Variants in PPP1R12B observed in about 807,000 individuals in gnomAD.
The protein encoded by PPP1R12B is myosin phosphatase target subunit 2.
In PPP1R12B, 76 loss-of-function variants were observed where a neutral mutation model predicts 126.1. That is an observed-to-expected ratio of 0.60 (90% CI 0.50 to 0.73). The LOEUF (loss-of-function observed/expected upper bound fraction) is 0.73. PPP1R12B is among the 30% of genes least tolerant of loss of function. PPP1R12B has a pLI of 0.00. For synonymous variants in PPP1R12B, 356 were observed against 434.7 expected (o/e 0.82, Z 2.25); for missense variants, 1,052 against 1,205.1 (o/e 0.87, Z 1.88).
In PPP1R12B at chr1:202,369,859, G is replaced by A. The variant is rs184287425; in HGVS notation, c.291+20717G>A. On this transcript the variant is annotated intron_variant, in intron 1 of 23. Coordinates refer to ENST00000608999, the MANE Select transcript of PPP1R12B (RefSeq NM_002481.4). ...CATCCAGGCTGGAGTGCAGTGGCACGATCTTGGCTCACTGCAACCTCTGCC... is the reference window on the plus strand; with the variant it reads ...CATCCAGGCTGGAGTGCAGTGGCACAATCTTGGCTCACTGCAACCTCTGCC... 3.7e-3 allele frequency: 572 copies of A among 154,700 alleles called. 7 individuals are homozygous for A. In the Middle Eastern group the frequency reaches 0.048, roughly 13 times the overall value. 9.6% of individuals were successfully genotyped at this position (154,700 alleles called of 1,614,324 possible).
At chr1:202,561,668 A>G (rs1572513561) in intron 19 of PPP1R12B, among the ~76,000 whole-genome samples, 2 of 152,212 alleles carry the variant, frequency 1.3e-5, no homozygotes, top group South Asian at 4.1e-4. Context: ...TATTGCTTTT[A>G]TAATCAGGAA....
At chr1:202,568,417 A>C (rs1389259557) in intron 22 of PPP1R12B, among the ~76,000 whole-genome samples, 1 of 152,226 alleles carries the variant, frequency 6.6e-6, no homozygotes, top group Non-Finnish European at 1.5e-5. Context: ...AAATTCAATT[A>C]GATTTATTGA....
chr1:202,427,873 A>G (rs1669745099), intron 5 of PPP1R12B, among the ~76,000 whole-genome samples: 1 of 151,664 alleles, frequency 6.6e-6, no homozygotes, highest in Non-Finnish European at 1.5e-5. Flanking sequence ...GATTGTCTCG[A>G]TCTCCTGACC....
intron 1 of PPP1R12B, among the ~76,000 whole-genome samples, chr1:202,362,233 T>C (rs1266240940): frequency 3.3e-5 from 5 of 152,156 alleles, no homozygotes; most frequent in African/African-American, 1.2e-4. Flanking sequence ...GTTTTGTAAT[T>C]ATTCCTCTTG....
chr1:202,438,218 AGAAAAT>A, intron 10 of PPP1R12B, 194 bp downstream of exon 10: 1 of 1,568,320 alleles, frequency 6.4e-7, no homozygotes, highest in Non-Finnish European at 8.6e-7. Flanking sequence ...TGACCAAAAA[AGAAAAT>A]AAAAAAGCTT....
chr1:202,517,194 T>C (rs1412343095), intron 18 of PPP1R12B, among the ~76,000 whole-genome samples: 1 of 152,114 alleles, frequency 6.6e-6, no homozygotes, highest in Non-Finnish European at 1.5e-5. Context: ...AAAAGAAAAG[T>C]TTTAGAAGAA....
At chr1:202,482,370 C>A (rs1024542853) in intron 13 of PPP1R12B, among the ~76,000 whole-genome samples, 8 of 152,156 alleles carry the variant, frequency 5.3e-5, no homozygotes, top group African/African-American at 1.9e-4. Context: ...GTAAGTGTTC[C>A]CCTTTTCTTC....
chr1:202,507,215 C>T (rs758935244), intron 18 of PPP1R12B, among the ~76,000 whole-genome samples: 3 of 152,176 alleles, frequency 2.0e-5, no homozygotes, highest in East Asian at 1.9e-4. Flanking sequence ...TCATGCTACA[C>T]GTTCTGTAGA....
rs1164402522 is a variant in PPP1R12B at position 202,434,777 on chromosome 1, T to A, written c.1254+9T>A. On this transcript the variant is annotated intron_variant, in intron 9 of 23. Coordinates refer to ENST00000608999, the MANE Select transcript of PPP1R12B (RefSeq NM_002481.4). ...CCTCTTCTGCTAGGAGGGTGAGTAC[T>A]TTTTACTTAATTTGGGAATTAGATT... 1.2e-6 allele frequency: 2 copies of A among 1,612,560 alleles called. No individual in the cohort carries two copies.
rs775137843 is a variant in PPP1R12B, at chr1:202,569,166, G to T, written c.2831G>T (p.Arg944Leu). 2 of 1,613,308 alleles carry T rather than the reference G, an allele frequency of 1.2e-6. No homozygotes were observed. Among genetic ancestry groups the T allele is most frequent in the Non-Finnish European group, 1.7e-6 (2 of 1,179,500 alleles). ...MEKRERRALE[R>L]KMSEMEEEMK... ...AAACAGGAGAGGCGAGCCTTGGAGC[G>T]CAAAATGTCAGAAATGGAGGAAGAA... Residue 944 changes from arginine to leucine, a missense_variant, in exon 23 of 24, where the codon CGC (arginine) becomes CTC (leucine). Transcript: ENST00000608999.
chr1:202,491,349 A>G (rs574274589), intron 14 of PPP1R12B, among the ~76,000 whole-genome samples: 21 of 152,192 alleles, frequency 1.4e-4, no homozygotes, highest in African/African-American at 4.6e-4. Context: ...GGGTTTCACC[A>G]TGTTAGCCAG....
chr1:202,415,383 A>G (rs1173610307), intron 1 of PPP1R12B, among the ~76,000 whole-genome samples: 1 of 152,204 alleles, frequency 6.6e-6, no homozygotes, highest in Non-Finnish European at 1.5e-5. Flanking sequence ...TGCAAGTAAT[A>G]TCTTAATATT....
intron 18 of PPP1R12B, among the ~76,000 whole-genome samples, chr1:202,555,401 ATTT>A (rs1158607810): frequency 2.7e-5 from 4 of 147,048 alleles, no homozygotes; most frequent in East Asian, 2.0e-4. Context: ...ACACAGCAGA[ATTT>A]AAAACTAAAG....
intron 13 of PPP1R12B, chr1:202,463,005 A>G: frequency 1.0e-6 from 1 of 985,386 alleles, no homozygotes; most frequent in African/African-American, 1.7e-5. Flanking sequence ...AGCCTCTGCC[A>G]TAGTTTGTTA....
chr1:202,470,753 A>T (rs1248964174), intron 13 of PPP1R12B, among the ~76,000 whole-genome samples: 1 of 151,966 alleles, frequency 6.6e-6, no homozygotes, highest in Non-Finnish European at 1.5e-5. Flanking sequence ...AGAAAAAAAA[A>T]TTTTAGCCAG....
intron 1 of PPP1R12B, among the ~76,000 whole-genome samples, chr1:202,412,793 TAAA>T (rs1263178995): frequency 6.6e-6 from 1 of 152,126 alleles, no homozygotes; most frequent in African/African-American, 2.4e-5. Flanking sequence ...TTTTTTTACT[TAAA>T]AACGTTTATT....
rs991572500 is a variant in PPP1R12B, at chr1:202,588,853, AGATAGATAGATAGATAGAT to A, written c.*8294_*8312del. 7.0e-6 allele frequency: 1 copy of A among 142,710 alleles called. No individual in the cohort carries two copies. Among genetic ancestry groups the A allele is most frequent in the African/African-American group, 2.8e-5 (1 of 35,466 alleles). 8.8% of individuals were successfully genotyped at this position (142,710 alleles called of 1,614,324 possible). A position where few individuals can be genotyped will look rare whatever the true frequency, so the allele number is the denominator to read the frequency against. ...TAGATAGATAGATAGATAGATAGAT[AGATAGATAGATAGATAGAT>A]ATCAAGGTTCCAAGCTTCAAGTAAC... On this transcript the variant is annotated 3_prime_UTR_variant, in exon 24 of 24. Transcript: ENST00000608999.
At chr1:202,541,979 C>G (rs376357123) in intron 18 of PPP1R12B, among the ~76,000 whole-genome samples, 2 of 152,192 alleles carry the variant, frequency 1.3e-5, no homozygotes, top group East Asian at 1.9e-4. Flanking sequence ...CATCAACTTA[C>G]TCTAACCAAC....
intron 12 of PPP1R12B, among the ~76,000 whole-genome samples, chr1:202,446,222 CTCTCT>C (rs1672230136): frequency 1.7e-5 from 1 of 59,540 alleles, no homozygotes; most frequent in African/African-American, 8.0e-5. Flanking sequence ...TACTCTCTCT[CTCTCT>C]CTCTCTCTCT....
Sources: gnomAD v4.1 joint callset for allele counts (sites outside exome capture counted in the v4.1 genomes callset) on GRCh38, gnomAD v4.1.1 for gene constraint, MANE v1.5 for transcripts, NCBI Gene and HGNC (gene_info 2026-07-23, HGNC 2026-07-21) for gene names.